Variants in GSE1 observed in about 807,000 individuals in gnomAD.
GSE1 encodes genetic suppressor element 1.
Under a neutral mutation model 112.6 loss-of-function variants are expected in GSE1, and 32 were observed. The ratio of observed to expected loss-of-function variants is 0.28; its 90% confidence interval spans 0.21 to 0.38. The LOEUF (loss-of-function observed/expected upper bound fraction) is 0.38. Among genes scored for constraint, GSE1 ranks in the 10% least tolerant of loss-of-function variants. The probability of loss-of-function intolerance (pLI) is 1.00; values close to 1 mark genes in which losing one functional copy is unlikely to be tolerated. For missense variants in GSE1, 2,348 were observed against 1,699.2 expected, an observed-to-expected ratio of 1.38 and a Z score of -6.71; for synonymous variants, 1,115 against 735.6, an observed-to-expected ratio of 1.52 and a Z score of -8.35.
At chr16:85,286,550 C>T (rs894702378) in intron 1 of GSE1, among the ~76,000 whole-genome samples, 11 of 152,170 alleles carry the variant, frequency 7.2e-5, no homozygotes, top group South Asian at 2.1e-4. Flanking sequence ...GCGGCTGGCC[C>T]GGAGGACTGG....
chr16:85,265,411 C>G (rs1247950648), intron 1 of GSE1, among the ~76,000 whole-genome samples: 5 of 152,194 alleles, frequency 3.3e-5, no homozygotes, highest in Non-Finnish European at 7.4e-5. Context: ...CCTGTTGAGT[C>G]TCGACCGCCC....
intron 2 of GSE1, among the ~76,000 whole-genome samples, chr16:85,475,899 C>T (rs1185536849): frequency 2.0e-5 from 3 of 151,504 alleles, no homozygotes; most frequent in Non-Finnish European, 4.4e-5. Flanking sequence ...GCTAGCATTA[C>T]AGGTGTGAGC....
intron 1 of GSE1, among the ~76,000 whole-genome samples, chr16:85,619,369 G>A (rs1175786570): frequency 4.0e-5 from 6 of 151,816 alleles, no homozygotes; most frequent in African/African-American, 4.8e-5. Flanking sequence ...AAGCCGTCCC[G>A]AAGGAAAATC....
intron 1 of GSE1, among the ~76,000 whole-genome samples, chr16:85,189,491 G>A (rs1289118500): frequency 6.6e-6 from 1 of 152,186 alleles, no homozygotes; most frequent in Non-Finnish European, 1.5e-5. Context: ...CAAAGTCTCA[G>A]TGAAAATGGG....
chr16:85,194,354 C>T (rs1377859970), intron 1 of GSE1, among the ~76,000 whole-genome samples: 1 of 152,216 alleles, frequency 6.6e-6, no homozygotes, highest in Non-Finnish European at 1.5e-5. Flanking sequence ...CGCTTAACGT[C>T]ACCCAGGAGG....
chr16:85,582,364 C>T (rs1469599222), intron 1 of GSE1, among the ~76,000 whole-genome samples: 1 of 152,230 alleles, frequency 6.6e-6, no homozygotes, highest in Non-Finnish European at 1.5e-5. Context: ...GGCTGCGGTT[C>T]ATGGGGGATG....
intron 2 of GSE1, among the ~76,000 whole-genome samples, chr16:85,637,600 T>C (rs1184334584): frequency 1.3e-5 from 2 of 152,138 alleles, no homozygotes; most frequent in Non-Finnish European, 2.9e-5. Context: ...TCGCTGTGCT[T>C]CTCACACACC....
intron 1 of GSE1, among the ~76,000 whole-genome samples, chr16:85,576,572 C>T (rs1005756615): frequency 2.6e-5 from 4 of 152,148 alleles, no homozygotes; most frequent in Admixed American, 6.5e-5. Context: ...TCTGCTCTCC[C>T]GGGAGAAGCT....
At chr16:85,509,649 C>T (rs910392901) in intron 2 of GSE1, among the ~76,000 whole-genome samples, 9 of 152,320 alleles carry the variant, frequency 5.9e-5, no homozygotes, top group Non-Finnish European at 4.4e-5. Context: ...TGTATGCTGG[C>T]CCTGAAGGCC....
At chr16:85,354,416 G>A (rs2046909326) in intron 1 of GSE1, among the ~76,000 whole-genome samples, 1 of 152,238 alleles carries the variant, frequency 6.6e-6, no homozygotes, top group South Asian at 2.1e-4. Flanking sequence ...CACATAGTAG[G>A]TGCTCAGTAA....
chr16:85,666,268 C>G lies in GSE1; in HGVS notation c.3051C>G (p.Pro1017=), dbSNP rs779457945. ...ATGGGAAGAGCAAGCCGTGGGAGCC[C>G]TTTGTGGCAGAAGAGTTTGCACATC... ...STNGKSKPWE[P]FVAEEFAHQF... The change falls in exon 13 of 16, where the codon CCC becomes CCG. Residue 1017 remains proline, a synonymous_variant. Coordinates refer to ENST00000253458, the MANE Select transcript of GSE1 (RefSeq NM_014615.5). The G allele has an allele frequency of 1.2e-6, 2 of 1,613,882 alleles. No homozygotes were observed. Among genetic ancestry groups the G allele is most frequent in the South Asian group, 1.1e-5 (1 of 91,090 alleles).
chr16:85,484,658 A>T (rs565135549), intron 2 of GSE1, among the ~76,000 whole-genome samples: 31 of 152,306 alleles, frequency 2.0e-4, no homozygotes, highest in African/African-American at 7.5e-4. Context: ...ACATTTTTAC[A>T]GCTGGGGAAG....
At chr16:85,543,124 A>T (rs2044579545) in intron 2 of GSE1, among the ~76,000 whole-genome samples, 1 of 149,930 alleles carries the variant, frequency 6.7e-6, no homozygotes, top group Admixed American at 6.7e-5. Flanking sequence ...AGGCAGGAGA[A>T]TTGCTTGATC....
chr16:85,191,675 GT>G (rs2074825059), intron 1 of GSE1, among the ~76,000 whole-genome samples: 1 of 152,166 alleles, frequency 6.6e-6, no homozygotes, highest in African/African-American at 2.4e-5. Context: ...ACATCCCCCG[GT>G]GTTGCTACAA....
chr16:85,266,185 G>A (rs538404642), intron 1 of GSE1, among the ~76,000 whole-genome samples: 1 of 152,262 alleles, frequency 6.6e-6, no homozygotes, highest in South Asian at 2.1e-4. Flanking sequence ...GGGCAAACTT[G>A]TCCCTGTTTC....
intron 2 of GSE1, among the ~76,000 whole-genome samples, chr16:85,507,707 C>T (rs770642191): frequency 1.1e-4 from 17 of 152,104 alleles, no homozygotes; most frequent in Admixed American, 2.6e-4. Flanking sequence ...TAGGGCCACC[C>T]GGGTGACCTC....
At chr16:85,239,599 G>C (rs1905009491) in intron 1 of GSE1, among the ~76,000 whole-genome samples, 1 of 152,186 alleles carries the variant, frequency 6.6e-6, no homozygotes, top group Non-Finnish European at 1.5e-5. Context: ...CACCTAACCT[G>C]GGCTGCAGGA....
chr16:85,634,955 G>T (rs371885792), intron 2 of GSE1, among the ~76,000 whole-genome samples: 3 of 152,114 alleles, frequency 2.0e-5, no homozygotes, highest in Admixed American at 2.0e-4. Context: ...TGACAGGCGG[G>T]GGGGCTGAGG....
At chr16:85,472,177 G>A (rs1035042281) in intron 2 of GSE1, among the ~76,000 whole-genome samples, 17 of 152,174 alleles carry the variant, frequency 1.1e-4, no homozygotes, top group Non-Finnish European at 1.9e-4. Context: ...TGCTTAAGGT[G>A]TGTGTATGTT....
Sources: gnomAD v4.1 joint callset for allele counts (sites outside exome capture counted in the v4.1 genomes callset) on GRCh38, gnomAD v4.1.1 for gene constraint, MANE v1.5 for transcripts, NCBI Gene and HGNC (gene_info 2026-07-23, HGNC 2026-07-21) for gene names.